CEP192: variants seen among roughly 807,000 people sequenced by gnomAD.
CEP192 encodes centrosomal protein of 192 kDa.
CEP192 carries 151 observed loss-of-function variants against 271.8 expected under a neutral mutation model. The observed-to-expected ratio is 0.56, with a 90% confidence interval of 0.49 to 0.64. CEP192 has a LOEUF of 0.64. Ranked by LOEUF, CEP192 falls within the 30% of genes least tolerant of loss-of-function variation. CEP192 has a pLI of 0.00. For synonymous variants in CEP192, 995 were observed against 1,076.5 expected (o/e 0.92, Z 1.48); for missense variants, 2,910 against 3,020.5 (o/e 0.96, Z 0.86).
chr18:13,090,291 G>A lies in CEP192; in HGVS notation c.6103+726G>A, dbSNP rs561718175. On this transcript the variant is annotated intron_variant, in intron 33 of 44. Transcript: ENST00000506447. Reference sequence around the variant, plus strand: ...TTTGAAGCCATTAGAACAATAATATGAATCTGTACTGAATGACATGGAAAG... The same window carrying A: ...TTTGAAGCCATTAGAACAATAATATAAATCTGTACTGAATGACATGGAAAG... Among the ~76,000 whole-genome samples, 15 of 152,244 alleles carry A rather than the reference G, an allele frequency of 9.9e-5. No individual in the cohort carries two copies. The South Asian group carries it at 3.1e-3, about 32-fold the overall frequency.
chr18:13,026,280 A>G (rs1776230401), intron 9 of CEP192, among the ~76,000 whole-genome samples: 1 of 151,332 alleles, frequency 6.6e-6, no homozygotes, highest in South Asian at 2.1e-4. Context: ...TTTCTTTAGG[A>G]TTTTTTCTTT....
intron 30 of CEP192, among the ~76,000 whole-genome samples, chr18:13,080,801 A>C (rs957855056): frequency 6.6e-6 from 1 of 152,164 alleles, no homozygotes; most frequent in Admixed American, 6.5e-5. Flanking sequence ...TATTATTTTG[A>C]GATATATTCC....
At chr18:13,107,799 A>C (rs559666510) in intron 40 of CEP192, among the ~76,000 whole-genome samples, 1 of 152,090 alleles carries the variant, frequency 6.6e-6, no homozygotes, top group South Asian at 2.1e-4. Context: ...TGTGATACTG[A>C]CTTTGTTTAT....
chr18:13,119,960 A>G (rs940910676), intron 44 of CEP192, among the ~76,000 whole-genome samples: 3 of 152,242 alleles, frequency 2.0e-5, no homozygotes, highest in African/African-American at 7.2e-5. Context: ...GGTATGAGGC[A>G]GTCAAAACTT....
chr18:13,030,786 A>AGAAT (rs1349854641), intron 11 of CEP192, among the ~76,000 whole-genome samples, 178 bp downstream of exon 11: 19 of 152,240 alleles, frequency 1.2e-4, no homozygotes, highest in African/African-American at 4.3e-4. Flanking sequence ...TAATCATTGT[A>AGAAT]GAATGAGCCA....
intron 30 of CEP192, among the ~76,000 whole-genome samples, chr18:13,085,358 C>T (rs945903886): frequency 1.3e-5 from 2 of 148,714 alleles, no homozygotes; most frequent in African/African-American, 5.0e-5. Flanking sequence ...TACCTATTCA[C>T]TCTGATAGTT....
chr18:13,028,228 ACATTGGT>A, intron 9 of CEP192, among the ~76,000 whole-genome samples: 1 of 152,318 alleles, frequency 6.6e-6, no homozygotes, highest in East Asian at 1.9e-4. Flanking sequence ...TGTGATACAG[ACATTGGT>A]CATTGTGATT....
intron 13 of CEP192, among the ~76,000 whole-genome samples, chr18:13,040,020 A>G (rs1299482980): frequency 6.6e-6 from 1 of 152,220 alleles, no homozygotes; most frequent in East Asian, 1.9e-4. Context: ...GGATTTCATT[A>G]AGAGTATGAT....
At chr18:13,022,120 A>G (rs1159827193) in intron 9 of CEP192, among the ~76,000 whole-genome samples, 1 of 152,196 alleles carries the variant, frequency 6.6e-6, no homozygotes, top group Admixed American at 6.5e-5. Context: ...ACCATTTGTG[A>G]AAAGACTATC....
Position 13,015,875 on chromosome 18 carries a change from A to G in CEP192, c.640+427A>G, listed in dbSNP as rs535765138. ...ATTCACCTGCCTCAACCTCCTGAGT[A>G]GCTGGGATTACAGGTGCCCACCACC... On this transcript the variant is annotated intron_variant, in intron 6 of 44. Transcript: ENST00000506447. 5.3e-5 allele frequency among the ~76,000 whole-genome samples: 8 copies of G among 151,910 alleles called. No homozygotes were observed. In the South Asian group the frequency reaches 1.7e-3, roughly 32 times the overall value.
At position 12,996,170 on chromosome 18, in the gene CEP192, G is replaced by A. The variant is rs567965579; in HGVS notation, c.-4-3251G>A. Among the ~76,000 whole-genome samples, 6 of 151,594 alleles carry A rather than the reference G, an allele frequency of 4.0e-5. No individual in the cohort carries two copies. The South Asian group carries it at 1.3e-3, about 32-fold the overall frequency. ...CAAAGGCTATTGCAGTGAGTGTCCA[G>A]GCAGGAAGTGGTGGTGGCCTGACCA... On this transcript the variant is annotated intron_variant, in intron 1 of 44. Transcript: ENST00000506447.
intron 44 of CEP192, among the ~76,000 whole-genome samples, chr18:13,120,031 C>T (rs1370280145): frequency 6.6e-6 from 1 of 152,098 alleles, no homozygotes; most frequent in Non-Finnish European, 1.5e-5. Flanking sequence ...ATTTCAAATT[C>T]TTTTTTGATG....
At chr18:13,100,250 T>C in intron 37 of CEP192, 55 bp from the exon 38 acceptor site, 2 of 1,206,132 alleles carry the variant, frequency 1.7e-6, no homozygotes, top group Non-Finnish European at 2.4e-6. Context: ...TGGAATTGTT[T>C]CGTTTAAAGT....
chr18:13,105,533 C>G (rs957816105), intron 40 of CEP192, among the ~76,000 whole-genome samples: 1 of 152,222 alleles, frequency 6.6e-6, no homozygotes, highest in Non-Finnish European at 1.5e-5. Flanking sequence ...ACACTAATCA[C>G]TCACTTGGCC....
intron 18 of CEP192, among the ~76,000 whole-genome samples, chr18:13,055,053 G>A (rs1337621456): frequency 1.6e-4 from 24 of 151,944 alleles, no homozygotes; most frequent in Non-Finnish European, 3.2e-4. Context: ...TGAGGCAGGC[G>A]GATCACCTGA....
intron 10 of CEP192, 74 bp from the exon 11 acceptor site, chr18:13,030,389 TAA>T: frequency 1.5e-6 from 2 of 1,322,928 alleles, no homozygotes; most frequent in Non-Finnish European, 2.0e-6. Flanking sequence ...CATCTGAATT[TAA>T]AAAAAATTGA....
intron 21 of CEP192, among the ~76,000 whole-genome samples, chr18:13,061,334 A>G (rs1197405921): frequency 6.6e-6 from 1 of 152,210 alleles, no homozygotes; most frequent in African/African-American, 2.4e-5. Flanking sequence ...AAAAAAATAA[A>G]GTTAATTAGT....
At chr18:13,045,213 A>G (rs2036411055) in intron 15 of CEP192, among the ~76,000 whole-genome samples, 2 of 151,734 alleles carry the variant, frequency 1.3e-5, no homozygotes, top group South Asian at 2.1e-4. Context: ...TTGTCTTTCT[A>G]TTTCCTATTT....
chr18:13,016,970 C>T (rs117671798), intron 6 of CEP192, among the ~76,000 whole-genome samples: 21 of 152,196 alleles, frequency 1.4e-4, no homozygotes, highest in African/African-American at 4.8e-4. Context: ...CTGTTTCTGT[C>T]CTGTCTTCTC....
Sources: gnomAD v4.1 joint callset for allele counts (sites outside exome capture counted in the v4.1 genomes callset) on GRCh38, gnomAD v4.1.1 for gene constraint, MANE v1.5 for transcripts, NCBI Gene and HGNC (gene_info 2026-07-23, HGNC 2026-07-21) for gene names.